The following KLHL3 variants were observed in gnomAD, a reference collection of about 807,000 sequenced individuals.
KLHL3 encodes the protein kelch-like protein 3.
A neutral mutation model predicts 70.5 loss-of-function variants in KLHL3; 19 were observed. The observed-to-expected ratio is 0.27, with a 90% confidence interval of 0.19 to 0.40. The LOEUF is 0.40. Among genes scored for constraint, KLHL3 ranks in the 10% least tolerant of loss-of-function variants. The pLI is 1.00. For synonymous variants in KLHL3, 258 were observed against 290.3 expected (o/e 0.89, Z 1.13); for missense variants, 512 against 771.1 (o/e 0.66, Z 3.98).
intron 1 of KLHL3, among the ~76,000 whole-genome samples, chr5:137,724,872 T>C (rs547656732): frequency 6.6e-6 from 1 of 152,312 alleles, no homozygotes; most frequent in East Asian, 1.9e-4. Context: ...AAATAATAAG[T>C]GGTAGAGATG....
intron 1 of KLHL3, among the ~76,000 whole-genome samples, chr5:137,724,134 C>T (rs944693973): frequency 2.0e-5 from 3 of 152,176 alleles, no homozygotes; most frequent in Non-Finnish European, 2.9e-5. Context: ...AATCTATAAA[C>T]TGTAAAATAC....
At chr5:137,704,116 G>C (rs965508187) in intron 3 of KLHL3, among the ~76,000 whole-genome samples, 10 of 152,200 alleles carry the variant, frequency 6.6e-5, no homozygotes. Context: ...AGTTAAGATT[G>C]GAATACAGCC....
At chr5:137,648,362 T>C (rs1000852711) in intron 8 of KLHL3, among the ~76,000 whole-genome samples, 1 of 152,232 alleles carries the variant, frequency 6.6e-6, no homozygotes, top group African/African-American at 2.4e-5. Flanking sequence ...CCAGCCCAAA[T>C]GGCGTTTCAG....
rs1253449854 is a variant in KLHL3 at position 137,617,654 on chromosome 5, A to G, written c.*4444T>C. On this transcript the variant is annotated 3_prime_UTR_variant, in exon 15 of 15. Coordinates refer to ENST00000309755, the MANE Select transcript of KLHL3 (RefSeq NM_017415.3). Reference sequence around the variant, plus strand: ...TTTTACAAGATATACAGTCCCTAACAGCCACGCAGAGAACACCAGATCGAG... The same window carrying G: ...TTTTACAAGATATACAGTCCCTAACGGCCACGCAGAGAACACCAGATCGAG... 1 of 152,244 alleles carries G rather than the reference A, an allele frequency of 6.6e-6. No individual in the cohort carries two copies. Among genetic ancestry groups the G allele is most frequent in the African/African-American group, 2.4e-5 (1 of 41,458 alleles). 9.4% of individuals were successfully genotyped at this position (152,244 alleles called of 1,614,324 possible). A position where few individuals can be genotyped will look rare whatever the true frequency, so the allele number is the denominator to read the frequency against.
At chr5:137,624,343 A>T (rs1245431904) in intron 14 of KLHL3, among the ~76,000 whole-genome samples, 3 of 152,228 alleles carry the variant, frequency 2.0e-5, no homozygotes, top group Non-Finnish European at 4.4e-5. Flanking sequence ...AACCACCCAC[A>T]CTTAACTCTT....
intron 1 of KLHL3, among the ~76,000 whole-genome samples, chr5:137,729,144 C>G (rs1753131815): frequency 2.0e-5 from 3 of 152,040 alleles, no homozygotes; most frequent in Non-Finnish European, 4.4e-5. Context: ...ATTCAGAAGT[C>G]ATGAGCTGAT....
At chr5:137,647,534 A>T in intron 8 of KLHL3, 1 of 472,068 alleles carries the variant, frequency 2.1e-6, no homozygotes. Context: ...TGCATGTCCA[A>T]ACTCTCTTCT....
chr5:137,724,329 C>T (rs1246320745), intron 1 of KLHL3, among the ~76,000 whole-genome samples: 1 of 152,144 alleles, frequency 6.6e-6, no homozygotes, highest in Non-Finnish European at 1.5e-5. Context: ...GATATATAAA[C>T]TAAAAAGAGC....
chr5:137,673,578 C>T (rs1751815170), intron 6 of KLHL3: 2 of 152,182 alleles, frequency 1.3e-5, no homozygotes, highest in Admixed American at 1.3e-4. Context: ...CCCTCCCCTA[C>T]CCTCTAATTC....
intron 3 of KLHL3, among the ~76,000 whole-genome samples, chr5:137,702,818 G>A (rs553148184): frequency 4.4e-4 from 67 of 152,270 alleles, no homozygotes; most frequent in Admixed American, 1.4e-3. Flanking sequence ...AGCAGCCTCT[G>A]AGAACCACGG....
At chr5:137,722,509 A>G (rs927827418) in intron 1 of KLHL3, among the ~76,000 whole-genome samples, 1 of 152,154 alleles carries the variant, frequency 6.6e-6, no homozygotes, top group Non-Finnish European at 1.5e-5. Context: ...CAGAGAGGGG[A>G]AGCAACCAGC....
At chr5:137,636,878 C>T (rs2149883423) in intron 11 of KLHL3, among the ~76,000 whole-genome samples, 1 of 152,318 alleles carries the variant, frequency 6.6e-6, no homozygotes, top group South Asian at 2.1e-4. Context: ...ACTCACAGTT[C>T]TGTTAATGTT....
chr5:137,634,833 G>A (rs1750729070), intron 11 of KLHL3, among the ~76,000 whole-genome samples: 1 of 152,140 alleles, frequency 6.6e-6, no homozygotes, highest in African/African-American at 2.4e-5. Flanking sequence ...CTACCCAAGA[G>A]CATCATTTCT....
At chr5:137,624,159 T>C (rs537539533) in intron 14 of KLHL3, among the ~76,000 whole-genome samples, 20 of 152,228 alleles carry the variant, frequency 1.3e-4, no homozygotes, top group Non-Finnish European at 2.2e-4. Context: ...CCCCAATAAA[T>C]TTGTCCATAA....
chr5:137,633,965 T>C (rs1750705269), intron 12 of KLHL3, 72 bp downstream of exon 12: 1 of 1,601,718 alleles, frequency 6.2e-7, no homozygotes, highest in African/African-American at 1.3e-5. Context: ...AAATCTAAAA[T>C]AAAACAAAAA....
intron 4 of KLHL3, among the ~76,000 whole-genome samples, chr5:137,697,286 C>T (rs1408942627): frequency 6.6e-6 from 1 of 152,070 alleles, no homozygotes; most frequent in East Asian, 1.9e-4. Flanking sequence ...GCCTCGGCCT[C>T]CCAAGTAGAT....
At chr5:137,691,020 T>C (rs1168204122) in intron 5 of KLHL3, among the ~76,000 whole-genome samples, 2 of 152,226 alleles carry the variant, frequency 1.3e-5, no homozygotes, top group Non-Finnish European at 2.9e-5. Flanking sequence ...AAGATTTCTT[T>C]CCAGCTAGCT....
At chr5:137,658,071 G>A in intron 8 of KLHL3, 60 bp downstream of exon 8, 1 of 1,524,170 alleles carries the variant, frequency 6.6e-7, no homozygotes, top group Non-Finnish European at 8.8e-7. Context: ...AGGCAGGAGT[G>A]GAAGGCCACT....
At chr5:137,657,299 C>T (rs190146772) in intron 8 of KLHL3, among the ~76,000 whole-genome samples, 16 of 152,290 alleles carry the variant, frequency 1.1e-4, no homozygotes, top group South Asian at 4.2e-4. Flanking sequence ...AATGAGACAA[C>T]ACGACCCACT....
Sources: allele counts gnomAD v4.1 joint callset (sites outside exome capture counted in the v4.1 genomes callset), GRCh38; gene constraint gnomAD v4.1.1; transcripts MANE v1.5; gene names NCBI Gene and HGNC (gene_info 2026-07-23, HGNC 2026-07-21).